RBFOX1: variants seen among roughly 807,000 people sequenced by gnomAD.
RBFOX1 encodes the protein RNA binding protein fox-1 homolog 1.
In RBFOX1, 8 loss-of-function variants were observed where a neutral mutation model predicts 57.7. That is an observed-to-expected ratio of 0.14 (90% CI 0.08 to 0.25). The LOEUF is 0.25. Among genes scored for constraint, RBFOX1 ranks in the 10% least tolerant of loss-of-function variants. The pLI, the probability that RBFOX1 is intolerant of heterozygous loss-of-function variation, is 1.00. For synonymous variants in RBFOX1, 326 were observed against 222.4 expected, an observed-to-expected ratio of 1.47 and a Z score of -4.15; for missense variants, 611 against 548.5, an observed-to-expected ratio of 1.11 and a Z score of -1.14.
intron 4 of RBFOX1, among the ~76,000 whole-genome samples, chr16:7,445,713 G>A (rs928134564): frequency 2.0e-5 from 3 of 152,116 alleles, no homozygotes; most frequent in Non-Finnish European, 4.4e-5. Context: ...GTTGTTGTGT[G>A]GTTTTTGTTG....
At chr16:7,077,853 C>A (rs2058546238) in intron 4 of RBFOX1, among the ~76,000 whole-genome samples, 1 of 152,058 alleles carries the variant, frequency 6.6e-6, no homozygotes, top group Non-Finnish European at 1.5e-5. Flanking sequence ...CCAATTTCTC[C>A]CAGTCCATTA....
At chr16:6,434,893 G>A (rs931838288) in intron 2 of RBFOX1, among the ~76,000 whole-genome samples, 5 of 152,166 alleles carry the variant, frequency 3.3e-5, no homozygotes, top group Non-Finnish European at 7.4e-5. Context: ...CACCCCAGGA[G>A]GTTAAATGAT....
chr16:6,786,515 C>A (rs1381950937), intron 3 of RBFOX1, among the ~76,000 whole-genome samples: 1 of 152,100 alleles, frequency 6.6e-6, no homozygotes, highest in Non-Finnish European at 1.5e-5. Flanking sequence ...TAGCTGTGAA[C>A]ATTTCAGACA....
intron 2 of RBFOX1, among the ~76,000 whole-genome samples, chr16:6,484,823 C>T (rs1277126814): frequency 1.3e-5 from 2 of 152,174 alleles, no homozygotes; most frequent in African/African-American, 2.4e-5. Context: ...TTCTGAGTGT[C>T]TTCACGTAGA....
At chr16:7,669,807 C>G (rs1250568101) in intron 13 of RBFOX1, among the ~76,000 whole-genome samples, 1 of 152,160 alleles carries the variant, frequency 6.6e-6, no homozygotes, top group African/African-American at 2.4e-5. Flanking sequence ...AACTCCTAGT[C>G]TTTCTTCCTG....
intron 4 of RBFOX1, among the ~76,000 whole-genome samples, chr16:5,892,804 G>A (rs1285650848): frequency 6.6e-6 from 1 of 152,160 alleles, no homozygotes; most frequent in Non-Finnish European, 1.5e-5. Flanking sequence ...AAGAGAGCAT[G>A]GCCAAGTCAA....
chr16:5,947,452 C>G lies in RBFOX1; in HGVS notation c.351+80117C>G, dbSNP rs187658364. Among the ~76,000 whole-genome samples, 3 of 152,224 alleles carry G rather than the reference C, an allele frequency of 2.0e-5. No homozygotes were observed. The highest frequency in any genetic ancestry group is 2.0e-4 in the Admixed American group (3 of 15,290). On this transcript the variant is annotated intron_variant, in intron 4 of 19. Transcript: ENST00000641259. This position sits in a 1 kb window ranked among gnomAD's most constrained non-coding sequence, Gnocchi z 7.2. ...GTATGATCATGGCTCACTACAGCCT[C>G]GAAATCTTGTGCTCAAGCCATTTTC...
intron 1 of RBFOX1, among the ~76,000 whole-genome samples, chr16:6,117,117 A>ATATAT (rs2096504853): frequency 6.6e-6 from 1 of 152,196 alleles, no homozygotes. Flanking sequence ...GTAGATAAAT[A>ATATAT]AAGGCTGAGA....
intron 3 of RBFOX1, among the ~76,000 whole-genome samples, chr16:6,807,570 C>G (rs927882191): frequency 6.6e-6 from 1 of 152,084 alleles, no homozygotes; most frequent in Non-Finnish European, 1.5e-5. Flanking sequence ...GTAATCCCAG[C>G]ACTTTGGGAG....
chr16:6,202,749 C>A (rs1054582016), intron 1 of RBFOX1, among the ~76,000 whole-genome samples: 2 of 152,076 alleles, frequency 1.3e-5, no homozygotes, highest in African/African-American at 4.8e-5. Flanking sequence ...AAGCCTCCTC[C>A]CACGTTCTTT....
chr16:6,947,302 A>G (rs984668266), intron 3 of RBFOX1, among the ~76,000 whole-genome samples: 1 of 152,102 alleles, frequency 6.6e-6, no homozygotes, highest in Non-Finnish European at 1.5e-5. Flanking sequence ...CACCCTTCCC[A>G]CAGGTAGGGT....
chr16:6,914,570 A>G (rs2072616950), intron 3 of RBFOX1, among the ~76,000 whole-genome samples: 1 of 152,050 alleles, frequency 6.6e-6, no homozygotes, highest in Non-Finnish European at 1.5e-5. Flanking sequence ...AAATAAAAAA[A>G]AAAACCCAAA....
At chr16:7,428,583 C>T (rs1261613892) in intron 4 of RBFOX1, among the ~76,000 whole-genome samples, 1 of 149,612 alleles carries the variant, frequency 6.7e-6, no homozygotes, top group Non-Finnish European at 1.5e-5. Context: ...GTTGGCCAGG[C>T]TGGTATCAAA....
chr16:7,503,328 C>A (rs1223529572), intron 4 of RBFOX1, among the ~76,000 whole-genome samples: 1 of 152,164 alleles, frequency 6.6e-6, no homozygotes, highest in East Asian at 1.9e-4. Flanking sequence ...ATAAGGACTT[C>A]CTCTCTTACA....
At chr16:6,859,176 T>C (rs2058541759) in intron 3 of RBFOX1, among the ~76,000 whole-genome samples, 4 of 76,714 alleles carry the variant, frequency 5.2e-5, no homozygotes, top group African/African-American at 1.9e-4. Context: ...TATATATATG[T>C]ATATATATGT....
intron 4 of RBFOX1, among the ~76,000 whole-genome samples, chr16:7,281,065 C>G (rs553889406): frequency 1.2e-4 from 18 of 149,612 alleles, no homozygotes; most frequent in Admixed American, 3.4e-4. Flanking sequence ...TGCAGTGGCA[C>G]AGTCTTGGCT....
intron 3 of RBFOX1, among the ~76,000 whole-genome samples, chr16:6,872,587 G>A (rs372615793): frequency 2.9e-4 from 44 of 152,162 alleles, no homozygotes; most frequent in African/African-American, 8.7e-4. Flanking sequence ...CGTTTGGAAC[G>A]GCAACAAAAC....
At chr16:7,435,849 T>C (rs1221680697) in intron 4 of RBFOX1, among the ~76,000 whole-genome samples, 4 of 152,238 alleles carry the variant, frequency 2.6e-5, no homozygotes, top group Admixed American at 1.3e-4. Flanking sequence ...AGTTGTGTCA[T>C]AACTGTAGGA....
At chr16:7,582,053 A>G (rs2093812791) in intron 6 of RBFOX1, among the ~76,000 whole-genome samples, 1 of 149,276 alleles carries the variant, frequency 6.7e-6, no homozygotes, top group Non-Finnish European at 1.5e-5. Context: ...TTTTTGTGAC[A>G]AAGTCTTAGT....
Sources: allele counts gnomAD v4.1 joint callset (sites outside exome capture counted in the v4.1 genomes callset), GRCh38; gene constraint gnomAD v4.1.1; non-coding constraint Gnocchi (gnomAD v3.1); transcripts MANE v1.5; gene names NCBI Gene and HGNC (gene_info 2026-07-23, HGNC 2026-07-21).